COG2: variants seen among roughly 807,000 people sequenced by gnomAD.
The protein encoded by COG2 is conserved oligomeric Golgi complex subunit 2.
In COG2, 52 loss-of-function variants were observed where a neutral mutation model predicts 90.6. That is an observed-to-expected ratio of 0.57 (90% CI 0.46 to 0.72). COG2 has a LOEUF of 0.72. COG2 is among the 30% of genes least tolerant of loss of function. COG2 has a pLI of 0.00. For synonymous variants in COG2, 337 were observed against 320.4 expected (o/e 1.05, Z -0.55); for missense variants, 829 against 891.2 (o/e 0.93, Z 0.89).
intron 12 of COG2, among the ~76,000 whole-genome samples, chr1:230,686,251 C>T (rs903672996): frequency 6.6e-6 from 1 of 152,196 alleles, no homozygotes; most frequent in Non-Finnish European, 1.5e-5. Flanking sequence ...GCCTTTCCTC[C>T]GCTCAGAAGG....
chr1:230,687,697 TC>T (rs55956182), intron 13 of COG2, among the ~76,000 whole-genome samples: 19,144 of 152,198 alleles, frequency 0.13, 1,807 homozygotes, highest in East Asian at 0.47. Flanking sequence ...AATTCTGCTT[TC>T]CTCAAGTTTA....
At chr1:230,665,601 C>T (rs569580941) in intron 5 of COG2, among the ~76,000 whole-genome samples, 83 of 152,218 alleles carry the variant, frequency 5.5e-4, no homozygotes, top group Non-Finnish European at 1.0e-3. Context: ...ATGAGGCATC[C>T]GAAAAGGAAA....
chr1:230,669,338 A>T lies in COG2; in HGVS notation c.595-18A>T, dbSNP rs1226227502. The T allele has an allele frequency of 4.4e-6, 7 of 1,581,100 alleles. No individual in the cohort carries two copies. The Admixed American group carries it at 5.6e-5, about 13-fold the overall frequency. ...TACAACTAGAGCTTTTTTTTTATTT[A>T]CCCACCTTTTCTTGCAGCGTATAGC... On this transcript the variant is annotated intron_variant, in intron 6 of 17. Coordinates refer to ENST00000366669, the MANE Select transcript of COG2 (RefSeq NM_007357.3).
At chr1:230,665,703 G>A (rs1317409060) in intron 5 of COG2, among the ~76,000 whole-genome samples, 1 of 152,156 alleles carries the variant, frequency 6.6e-6, no homozygotes, top group Non-Finnish European at 1.5e-5. Context: ...TCAGCCTGTA[G>A]TACTTCTGCT....
At position 230,659,645 on chromosome 1, in the gene COG2, T is replaced by C. The variant is rs1197646752; in HGVS notation, c.234+20T>C. 5.6e-6 allele frequency: 9 copies of C among 1,609,594 alleles called. No homozygotes were observed. Among genetic ancestry groups the C allele is most frequent in the Non-Finnish European group, 7.6e-6 (9 of 1,177,726 alleles). On this transcript the variant is annotated intron_variant, in intron 2 of 17. Transcript: ENST00000366669. ...AACTTGGTAAACTTTAAATCCACGG[T>C]CCCATTTACATACATACAATTTCTT...
intron 1 of COG2, among the ~76,000 whole-genome samples, chr1:230,658,920 A>C (rs535032107): frequency 1.1e-3 from 175 of 152,326 alleles, no homozygotes; most frequent in Non-Finnish European, 2.1e-3. Flanking sequence ...TTATATGGGG[A>C]AAAGCAGTTT....
intron 5 of COG2, among the ~76,000 whole-genome samples, chr1:230,668,098 T>C (rs546959465): frequency 2.0e-4 from 30 of 152,300 alleles, no homozygotes; most frequent in African/African-American, 7.0e-4. Flanking sequence ...TATTTATTGC[T>C]GCTGGAGAGT....
intron 1 of COG2, among the ~76,000 whole-genome samples, chr1:230,658,993 G>C (rs906112208): frequency 6.6e-6 from 1 of 152,108 alleles, no homozygotes; most frequent in Non-Finnish European, 1.5e-5. Context: ...ACATCTGGAA[G>C]GATGTGAATC....
At chr1:230,655,980 T>C (rs972318424) in intron 1 of COG2, among the ~76,000 whole-genome samples, 2 of 152,244 alleles carry the variant, frequency 1.3e-5, no homozygotes, top group African/African-American at 2.4e-5. Flanking sequence ...TATTTGATTC[T>C]TCTTGCTTTT....
At chr1:230,677,106 C>CA (rs1165710944) in intron 9 of COG2, among the ~76,000 whole-genome samples, 4 of 152,090 alleles carry the variant, frequency 2.6e-5, no homozygotes, top group African/African-American at 9.7e-5. Flanking sequence ...ATTCCTCTAT[C>CA]ATCTCCATCT....
intron 12 of COG2, among the ~76,000 whole-genome samples, chr1:230,685,480 C>A (rs1558279404): frequency 6.6e-6 from 1 of 151,968 alleles, no homozygotes; most frequent in Non-Finnish European, 1.5e-5. Flanking sequence ...TCTGGCAAGT[C>A]CATTTTTTTC....
At chr1:230,691,829 A>AC in intron 17 of COG2, 1 of 400,352 alleles carries the variant, frequency 2.5e-6, no homozygotes, top group Non-Finnish European at 4.5e-6. Flanking sequence ...GCCCATGCTC[A>AC]CGGAGCTCAC....
Position 230,660,753 on chromosome 1 carries a change from T to G in COG2, c.235-5T>G. The G allele has an allele frequency of 6.3e-7, 1 of 1,577,512 alleles. No homozygotes were observed. The highest frequency in any genetic ancestry group is 8.6e-7 in the Non-Finnish European group (1 of 1,164,894). ...TGTGTGTGCCAACATGATTTCTGCC[T>G]TTAGGTTGGCATGGACAAAGCCCTC... On this transcript the variant is annotated splice_polypyrimidine_tract_variant and splice_region_variant and intron_variant, in intron 2 of 17. Transcript: ENST00000366669.
intron 9 of COG2, among the ~76,000 whole-genome samples, chr1:230,676,385 T>C (rs1438139898): frequency 2.0e-5 from 3 of 152,170 alleles, no homozygotes; most frequent in African/African-American, 7.2e-5. Flanking sequence ...TCTGTACATA[T>C]TGAGTAACCT....
chr1:230,647,717 A>T (rs1661823326), intron 1 of COG2, among the ~76,000 whole-genome samples: 1 of 152,178 alleles, frequency 6.6e-6, no homozygotes, highest in Non-Finnish European at 1.5e-5. Flanking sequence ...ATGGTGTAGT[A>T]TTTGCATATA....
At chr1:230,658,919 GA>G (rs1407577422) in intron 1 of COG2, among the ~76,000 whole-genome samples, 3 of 152,154 alleles carry the variant, frequency 2.0e-5, no homozygotes, top group African/African-American at 4.8e-5. Flanking sequence ...GTTATATGGG[GA>G]AAAGCAGTTT....
At chr1:230,643,944 A>G (rs1661690991) in intron 1 of COG2, among the ~76,000 whole-genome samples, 1 of 152,160 alleles carries the variant, frequency 6.6e-6, no homozygotes, top group Non-Finnish European at 1.5e-5. Context: ...GGAAGAGGAA[A>G]GGCCATACAC....
chr1:230,676,341 C>T (rs955184180), intron 9 of COG2, among the ~76,000 whole-genome samples: 10 of 151,916 alleles, frequency 6.6e-5, no homozygotes, highest in Admixed American at 1.3e-4. Flanking sequence ...TCCATTTTGT[C>T]CCCTCTACTA....
chr1:230,692,227 C>T lies in COG2; in HGVS notation c.2115+663C>T, dbSNP rs534525144. On this transcript the variant is annotated intron_variant, in intron 17 of 17. Coordinates refer to ENST00000366669, the MANE Select transcript of COG2 (RefSeq NM_007357.3). ...AAACTGGCCTTCTAAACTGTTAAAG[C>T]GTCGCACATAGTAGTAGGTCCTCAA... is the stretch of plus-strand genomic sequence containing the variant. 3.3e-5 allele frequency among the ~76,000 whole-genome samples: 5 copies of T among 151,722 alleles called. No homozygotes were observed. In the South Asian group the frequency reaches 1.0e-3, roughly 32 times the overall value.
Sources: gnomAD v4.1 joint callset for allele counts (sites outside exome capture counted in the v4.1 genomes callset) on GRCh38, gnomAD v4.1.1 for gene constraint, MANE v1.5 for transcripts, NCBI Gene and HGNC (gene_info 2026-07-23, HGNC 2026-07-21) for gene names.